CDH18: variants seen among roughly 807,000 people sequenced by gnomAD.
CDH18 encodes the protein cadherin 18, also known as cadherin-18.
In CDH18, 31 loss-of-function variants were observed where a neutral mutation model predicts 67.9. The observed-to-expected ratio is 0.46, with a 90% CI of 0.34 to 0.62. The LOEUF is 0.62. Ranked by LOEUF, CDH18 falls within the 20% of genes least tolerant of loss-of-function variation. CDH18 has a pLI of 0.01. For missense variants in CDH18, 890 were observed against 975.5 expected (o/e 0.91, Z 1.17); for synonymous variants, 362 against 347.2 (o/e 1.04, Z -0.48).
At chr5:19,623,459 C>T (rs1236661900) in intron 5 of CDH18, among the ~76,000 whole-genome samples, 1 of 152,086 alleles carries the variant, frequency 6.6e-6, no homozygotes, top group East Asian at 1.9e-4. Flanking sequence ...AGTATGATTT[C>T]CCAAAATAGC....
At chr5:19,764,712 GTTA>G (rs1772850663) in intron 3 of CDH18, among the ~76,000 whole-genome samples, 2 of 150,872 alleles carry the variant, frequency 1.3e-5, no homozygotes, top group South Asian at 2.1e-4. Flanking sequence ...TGTGTATATA[GTTA>G]TTATCTTTTA....
intron 2 of CDH18, among the ~76,000 whole-genome samples, chr5:20,144,096 T>A (rs184128677): frequency 1.0e-3 from 152 of 152,132 alleles, no homozygotes; most frequent in African/African-American, 3.5e-3. Flanking sequence ...AATAAAGGAA[T>A]AATGGGAACA....
At chr5:20,140,159 T>C (rs1015526929) in intron 2 of CDH18, among the ~76,000 whole-genome samples, 1 of 152,144 alleles carries the variant, frequency 6.6e-6, no homozygotes, top group Admixed American at 6.6e-5. Flanking sequence ...TGAGTTCATG[T>C]CCTTTGTAGG....
rs1226425857 is a variant in CDH18 at position 19,824,579 on chromosome 5, C to T, written c.228+14180G>A. Among the ~76,000 whole-genome samples the T allele has an allele frequency of 9.9e-5, 15 of 152,160 alleles. 1 individual carries two copies. The highest frequency in any genetic ancestry group is 3.9e-4 in the East Asian group (2 of 5,180). On this transcript the variant is annotated intron_variant, in intron 3 of 12. Transcript: ENST00000382275. The stretch of plus-strand genomic sequence containing the variant: ...TGGAGTTCAACAAAACTTTTACAAG[C>T]CTTGGGTCCCAAAGCAGATGAGCAC...
At chr5:20,103,038 C>T (rs1315241351) in intron 2 of CDH18, among the ~76,000 whole-genome samples, 1 of 152,136 alleles carries the variant, frequency 6.6e-6, no homozygotes, top group Non-Finnish European at 1.5e-5. Flanking sequence ...TATTTTCAGT[C>T]CAAATTCTAG....
At position 19,483,365 on chromosome 5, in the gene CDH18, C is replaced by T; in HGVS notation, c.1818G>A (p.Leu606=). Residue 606 remains leucine (L), a synonymous_variant, in exon 12 of 13, where the codon CTG becomes CTA. Coordinates refer to ENST00000382275, the MANE Select transcript of CDH18 (RefSeq NM_004934.5). ...CTCCTGTACTCAAACCAGCCGAGGA[C>T]AGGAAGGCTTCTGCATGGCAGGTCC... is the stretch of plus-strand genomic sequence containing the variant. ...RVRTCHAEAF[L]SSAGLSTGAL... 1 of 1,614,098 alleles carries T rather than the reference C, an allele frequency of 6.2e-7. No homozygotes were observed.
At chr5:19,964,574 T>G (rs7700994) in intron 2 of CDH18, among the ~76,000 whole-genome samples, 91,060 of 149,834 alleles carry the variant, frequency 0.61, 28,062 homozygotes, top group Middle Eastern at 0.74. Flanking sequence ...TCTTGAGCCT[T>G]GGAGGTTGAG....
chr5:19,518,066 T>C (rs115403253), intron 10 of CDH18, among the ~76,000 whole-genome samples: 2,935 of 152,080 alleles, frequency 0.019, 76 homozygotes, highest in African/African-American at 0.066. Flanking sequence ...CCATTTTTAA[T>C]AGAATTGAAA....
chr5:19,886,906 T>G (rs892550086), intron 2 of CDH18, among the ~76,000 whole-genome samples: 1 of 152,186 alleles, frequency 6.6e-6, no homozygotes, highest in African/African-American at 2.4e-5. Flanking sequence ...GATGTATCCA[T>G]TTCATAAAAC....
chr5:20,234,521 T>C (rs1279887583), intron 2 of CDH18, among the ~76,000 whole-genome samples: 1 of 152,112 alleles, frequency 6.6e-6, no homozygotes, highest in South Asian at 2.1e-4. Flanking sequence ...GTGTAAAATA[T>C]ATCAAGATGA....
chr5:19,779,923 A>G (rs566461403), intron 3 of CDH18, among the ~76,000 whole-genome samples: 2 of 152,150 alleles, frequency 1.3e-5, no homozygotes, highest in African/African-American at 2.4e-5. Flanking sequence ...TCCATTTTAT[A>G]TGAATAATAT....
chr5:20,410,683 C>T (rs998132597), intron 1 of CDH18, among the ~76,000 whole-genome samples: 3 of 151,370 alleles, frequency 2.0e-5, no homozygotes, highest in Non-Finnish European at 4.4e-5. Context: ...GAATAACAGG[C>T]ATCCAAATTA....
rs1422057410 is a variant in CDH18 at position 20,242,605 on chromosome 5, A to ATATAT, written c.-518+12838_-518+12839insATATA. On this transcript the variant is annotated intron_variant, in intron 2 of 14. Transcript: ENST00000507958. ...TTGGGTTTCATTGAGGGAAAAAAAA[A>ATATAT]AAAAAAATATATATATATATATATA... Among the ~76,000 whole-genome samples the ATATAT allele has an allele frequency of 1.8e-3, 157 of 88,116 alleles. 15 individuals are homozygous for ATATAT. The highest frequency in any genetic ancestry group is 9.4e-3 in the African/African-American group (150 of 15,896). The allele number at this position is 88,116 out of a possible 152,430, so 57.8% of individuals were successfully genotyped here. A position where few individuals can be genotyped will look rare whatever the true frequency, so the allele number is the denominator to read the frequency against.
rs1347918625 is a variant in CDH18, at chr5:19,571,841, A to G, written c.1000-9T>C. The G allele has an allele frequency of 7.6e-6, 12 of 1,579,062 alleles. No homozygotes were observed. Among genetic ancestry groups the G allele is most frequent in the African/African-American group, 1.4e-5 (1 of 73,184 alleles). ...TTCTCATAGTTCAGTGGCTGTGGGGAAAAAAAATAAGATTATGACTTTTAT... is the reference window on the plus strand; with the variant it reads ...TTCTCATAGTTCAGTGGCTGTGGGGGAAAAAAATAAGATTATGACTTTTAT... On this transcript the variant is annotated splice_polypyrimidine_tract_variant and intron_variant, in intron 7 of 12. Coordinates refer to ENST00000382275, the MANE Select transcript of CDH18 (RefSeq NM_004934.5).
At chr5:19,547,518 T>A (rs1046410066) in intron 8 of CDH18, among the ~76,000 whole-genome samples, 1 of 152,214 alleles carries the variant, frequency 6.6e-6, no homozygotes, top group Admixed American at 6.5e-5. Flanking sequence ...TTTTGTTTTG[T>A]TTTGTTTTCT....
At chr5:20,087,966 G>A (rs1430920265) in intron 2 of CDH18, among the ~76,000 whole-genome samples, 2 of 152,136 alleles carry the variant, frequency 1.3e-5, no homozygotes, top group Non-Finnish European at 2.9e-5. Context: ...AAAGATATAT[G>A]TATATAATCT....
Position 20,569,084 on chromosome 5 carries a change from C to T in CDH18, c.-580+6378G>A, listed in dbSNP as rs142187941. Among the ~76,000 whole-genome samples, 31 of 152,286 alleles carry T rather than the reference C, an allele frequency of 2.0e-4. No individual in the cohort carries two copies. The East Asian group carries it at 5.4e-3, about 27-fold the overall frequency. On this transcript the variant is annotated intron_variant, in intron 1 of 14. Coordinates refer to the CDH18 transcript ENST00000507958. ...CCACCTATTATACTATAACTGCATG[C>T]TGCTTTCAATGAGTAGGCAGGAAAA...
In CDH18 at chr5:19,694,437, T is replaced by G. The variant is rs1369179829; in HGVS notation, c.643+26910A>C. Among the ~76,000 whole-genome samples the G allele has an allele frequency of 2.0e-5, 3 of 152,164 alleles. No homozygotes were observed. In the East Asian group the frequency reaches 5.8e-4, roughly 29 times the overall value. On this transcript the variant is annotated intron_variant, in intron 5 of 12. Transcript: ENST00000382275. Reference sequence around the variant, plus strand: ...GTGAAATTATGGAGCCTCCCTCTGTTTCAGAGACTCCCTCTGCCAAGACAA... The same window carrying G: ...GTGAAATTATGGAGCCTCCCTCTGTGTCAGAGACTCCCTCTGCCAAGACAA...
chr5:20,547,263 A>T (rs1341766338), intron 1 of CDH18, among the ~76,000 whole-genome samples: 1 of 152,056 alleles, frequency 6.6e-6, no homozygotes, highest in African/African-American at 2.4e-5. Flanking sequence ...AAAACCCAAG[A>T]TACTAAAAGA....
Sources: allele counts gnomAD v4.1 joint callset (sites outside exome capture counted in the v4.1 genomes callset), GRCh38; gene constraint gnomAD v4.1.1; transcripts MANE v1.5; gene names NCBI Gene and HGNC (gene_info 2026-07-23, HGNC 2026-07-21).